Variants in PPP2R5C observed in about 807,000 individuals in gnomAD.
PPP2R5C encodes protein phosphatase 2 regulatory subunit B'gamma.
Under a neutral mutation model 68.9 loss-of-function variants are expected in PPP2R5C, and 7 were observed. The ratio of observed to expected loss-of-function variants is 0.10; its 90% confidence interval spans 0.06 to 0.19. The LOEUF (loss-of-function observed/expected upper bound fraction) is 0.19, where lower values mean the gene tolerates loss of function less well. Among genes scored for constraint, PPP2R5C ranks in the 10% least tolerant of loss-of-function variants. PPP2R5C has a pLI of 1.00. For missense variants in PPP2R5C, 348 were observed against 641.3 expected, an observed-to-expected ratio of 0.54 and a Z score of 4.94; for synonymous variants, 210 against 222.2, an observed-to-expected ratio of 0.95 and a Z score of 0.49.
At chr14:101,901,631 G>A (rs2045697937) in intron 8 of PPP2R5C, 88 bp from the exon 11 acceptor site, 3 of 1,355,328 alleles carry the variant, frequency 2.2e-6, no homozygotes, top group East Asian at 2.3e-5. Flanking sequence ...TTGCAGTGGG[G>A]CCACCGCAGT....
intron 1 of PPP2R5C, among the ~76,000 whole-genome samples, chr14:101,846,832 C>T (rs2041857580): frequency 6.6e-6 from 1 of 152,178 alleles, no homozygotes; most frequent in Non-Finnish European, 1.5e-5. Context: ...ACCCATGTCT[C>T]TCCTGAACAG....
chr14:101,796,828 C>T (rs568953762), intron 3 of PPP2R5C: 130 of 248,600 alleles, frequency 5.2e-4, no homozygotes, highest in African/African-American at 2.8e-3. Context: ...CGTCCTCTGT[C>T]TGGTCCAGCG....
chr14:101,831,631 G>T, intron 1 of PPP2R5C: 1 of 620,646 alleles, frequency 1.6e-6, no homozygotes, highest in South Asian at 1.8e-5. Context: ...AATTACAGTT[G>T]ACCCTTGAAC....
Position 101,841,286 on chromosome 14 carries a change from A to C in PPP2R5C, c.95-15400A>C, listed in dbSNP as rs541147410. ...TTTACAGATATTTGCTAAATGAAGGATTCAGAGTTAGAAATGAAGGGGGCG... is the reference window on the plus strand; with the variant it reads ...TTTACAGATATTTGCTAAATGAAGGCTTCAGAGTTAGAAATGAAGGGGGCG... On this transcript the variant is annotated intron_variant, in intron 1 of 13. Transcript: ENST00000334743. 2.6e-5 allele frequency among the ~76,000 whole-genome samples: 4 copies of C among 152,256 alleles called. No individual in the cohort carries two copies. In the South Asian group the frequency reaches 8.3e-4, roughly 32 times the overall value.
intron 1 of PPP2R5C, among the ~76,000 whole-genome samples, chr14:101,822,263 T>C (rs190755161): frequency 1.0e-3 from 152 of 152,298 alleles, no homozygotes; most frequent in African/African-American, 3.5e-3. Flanking sequence ...ATTAAATTAC[T>C]TATTTTAGAG....
intron 9 of PPP2R5C, among the ~76,000 whole-genome samples, chr14:101,905,306 A>G (rs1010860527): frequency 2.6e-5 from 4 of 152,104 alleles, no homozygotes; most frequent in African/African-American, 9.6e-5. Context: ...GTGAGTCGAG[A>G]TAGCACCACT....
chr14:101,847,615 G>A (rs987417611), intron 1 of PPP2R5C, among the ~76,000 whole-genome samples: 6 of 151,272 alleles, frequency 4.0e-5, no homozygotes, highest in African/African-American at 7.3e-5. Context: ...ATGCGTTTGC[G>A]AAATACTTCC....
intron 2 of PPP2R5C, among the ~76,000 whole-genome samples, chr14:101,771,507 G>T (rs2037151660): frequency 6.6e-6 from 1 of 152,106 alleles, no homozygotes; most frequent in Admixed American, 6.6e-5. Flanking sequence ...CAGGCGGGTG[G>T]ATCATGAGGT....
intron 1 of PPP2R5C, among the ~76,000 whole-genome samples, chr14:101,842,298 G>A (rs938142151): frequency 5.3e-5 from 8 of 152,166 alleles, no homozygotes; most frequent in East Asian, 3.8e-4. Context: ...TTGAGAAAGC[G>A]ATCGAAAGCC....
rs1321131381 is a variant in PPP2R5C, at chr14:101,888,229, A to C, written c.630-2008A>C. Among the ~76,000 whole-genome samples, 1 of 152,004 alleles carries C rather than the reference A, an allele frequency of 6.6e-6. No homozygotes were observed. Among genetic ancestry groups the C allele is most frequent in the Non-Finnish European group, 1.5e-5 (1 of 68,006 alleles). ...AGCTCTCCAAGGTCCATGCGAGAGG[A>C]ATAGTAAACTGAAGCCACACGGCTG... On this transcript the variant is annotated intron_variant, in intron 5 of 13. Transcript: ENST00000334743. The surrounding 1 kb of genome is among the most constrained non-coding windows in gnomAD (Gnocchi z 5.6).
At chr14:101,830,240 A>C (rs1437423552) in intron 1 of PPP2R5C, among the ~76,000 whole-genome samples, 1 of 152,208 alleles carries the variant, frequency 6.6e-6, no homozygotes, top group East Asian at 1.9e-4. Flanking sequence ...CCTGTTACCA[A>C]CTCATGTTTT....
At chr14:101,870,040 C>CTTTTTTT (rs141433870) in intron 2 of PPP2R5C, among the ~76,000 whole-genome samples, 16 of 53,102 alleles carry the variant, frequency 3.0e-4, no homozygotes, top group East Asian at 5.9e-4. Context: ...TTCAATTGGG[C>CTTTTTTT]TTTTTTTTTT....
chr14:101,881,768 C>T (rs1020832998), intron 2 of PPP2R5C, among the ~76,000 whole-genome samples: 3 of 152,242 alleles, frequency 2.0e-5, no homozygotes, highest in Non-Finnish European at 4.4e-5. Context: ...AGCTGTGAAT[C>T]TCTGCTGCGT....
intron 1 of PPP2R5C, among the ~76,000 whole-genome samples, chr14:101,855,411 A>G (rs1305593133): frequency 1.3e-5 from 2 of 152,178 alleles, no homozygotes; most frequent in African/African-American, 4.8e-5. Flanking sequence ...ATAGTCGTGG[A>G]CATTTGCTTT....
At chr14:101,904,510 C>T (rs1409128496) in intron 9 of PPP2R5C, among the ~76,000 whole-genome samples, 2 of 152,202 alleles carry the variant, frequency 1.3e-5, no homozygotes, top group African/African-American at 2.4e-5. Flanking sequence ...AGCCTAGGAG[C>T]TGTGATGCGA....
chr14:101,910,403 G>C (rs1273550051), intron 11 of PPP2R5C, among the ~76,000 whole-genome samples: 1 of 75,988 alleles, frequency 1.3e-5, no homozygotes, highest in African/African-American at 1.6e-4. Context: ...GTGTATCTAT[G>C]TGTGTGTGTG....
chr14:101,813,419 A>G (rs1180741304), intron 1 of PPP2R5C, among the ~76,000 whole-genome samples: 2 of 152,178 alleles, frequency 1.3e-5, no homozygotes, highest in Non-Finnish European at 2.9e-5. Flanking sequence ...TAGTTCACCA[A>G]CTCTGTTCTA....
chr14:101,763,902 G>A (rs1566817015), intron 2 of PPP2R5C, among the ~76,000 whole-genome samples: 1 of 152,244 alleles, frequency 6.6e-6, no homozygotes, highest in East Asian at 1.9e-4. Context: ...GACGTCCTGG[G>A]CTAGCTCCCT....
At chr14:101,876,884 G>A (rs535356922) in intron 2 of PPP2R5C, among the ~76,000 whole-genome samples, 1 of 149,448 alleles carries the variant, frequency 6.7e-6, no homozygotes, top group Admixed American at 6.7e-5. Context: ...GCTGTTGCAT[G>A]TGTTTTCTGT....
Sources: allele counts gnomAD v4.1 joint callset (sites outside exome capture counted in the v4.1 genomes callset), GRCh38; gene constraint gnomAD v4.1.1; non-coding constraint Gnocchi (gnomAD v3.1); transcripts MANE v1.5; gene names NCBI Gene and HGNC (gene_info 2026-07-23, HGNC 2026-07-21).